Variants in HS6ST3 observed in about 807,000 individuals in gnomAD.
HS6ST3 encodes the protein heparan sulfate 6-O-sulfotransferase 3, also known as heparan-sulfate 6-O-sulfotransferase 3.
A neutral mutation model predicts 36.7 loss-of-function variants in HS6ST3; 12 were observed. That is an observed-to-expected ratio of 0.33 (90% CI 0.21 to 0.53). HS6ST3 has a LOEUF of 0.53. HS6ST3 is among the 20% of genes least tolerant of loss of function. The pLI is 0.95. For missense variants in HS6ST3, 584 were observed against 640.9 expected (o/e 0.91, Z 0.96); for synonymous variants, 240 against 257.5 (o/e 0.93, Z 0.65).
In HS6ST3 at chr13:96,691,970, GC is replaced by G. The variant is rs1874972519; in HGVS notation, c.708-140518del. On this transcript the variant is annotated intron_variant, in intron 1 of 1. Transcript: ENST00000376705. ...TGAGAGAAACAGCATTCAAATTTGA[GC>G]CTAAGCCTAAATACAGTATATGGTA... Among the ~76,000 whole-genome samples, 3 of 152,150 alleles carry G rather than the reference GC, an allele frequency of 2.0e-5. No individual in the cohort carries two copies. In the South Asian group the frequency reaches 6.2e-4, roughly 32 times the overall value.
intron 1 of HS6ST3, among the ~76,000 whole-genome samples, chr13:96,558,072 A>G (rs113334602): frequency 0.011 from 1,686 of 152,230 alleles, 31 homozygotes; most frequent in African/African-American, 0.033. Context: ...TTTTCTTTAA[A>G]TTCTTCTTTT....
intron 1 of HS6ST3, among the ~76,000 whole-genome samples, chr13:96,143,611 A>G (rs912896953): frequency 1.3e-5 from 2 of 151,968 alleles, no homozygotes; most frequent in Non-Finnish European, 2.9e-5. Flanking sequence ...GATCATTTCT[A>G]TTTTTAAAAT....
intron 1 of HS6ST3, among the ~76,000 whole-genome samples, chr13:96,239,395 A>T (rs977464153): frequency 6.6e-6 from 1 of 152,342 alleles, no homozygotes; most frequent in East Asian, 1.9e-4. Context: ...AATGAAATCA[A>T]TCATTTAGCA....
In HS6ST3 at chr13:96,833,230, G is replaced by C. The variant is rs1315449271; in HGVS notation, c.*32G>C. The C allele has an allele frequency of 1.4e-6, 2 of 1,451,430 alleles. No individual in the cohort carries two copies. Among genetic ancestry groups the C allele is most frequent in the East Asian group, 2.4e-5 (1 of 41,506 alleles). 89.9% of individuals were successfully genotyped at this position (1,451,430 alleles called of 1,614,324 possible). A position where few individuals can be genotyped will look rare whatever the true frequency, so the allele number is the denominator to read the frequency against. ...GCCCTCTCCTCTCTCAGGAGGGGGA[G>C]GGTGAGCAGGCACATTGACTTTCTG... On this transcript the variant is annotated 3_prime_UTR_variant, in exon 2 of 2. Transcript: ENST00000376705.
chr13:96,335,016 A>AG (rs1325756271), intron 1 of HS6ST3, among the ~76,000 whole-genome samples: 5 of 152,152 alleles, frequency 3.3e-5, no homozygotes, highest in African/African-American at 1.2e-4. Flanking sequence ...AGCTTAGAAA[A>AG]CATCTTCCAA....
chr13:96,103,820 G>C (rs1182888453), intron 1 of HS6ST3, among the ~76,000 whole-genome samples: 1 of 152,148 alleles, frequency 6.6e-6, no homozygotes, highest in East Asian at 1.9e-4. Context: ...ACTTGTTAGA[G>C]TAATGAGCAG....
intron 1 of HS6ST3, among the ~76,000 whole-genome samples, chr13:96,361,093 G>A (rs1263718290): frequency 6.6e-6 from 1 of 152,154 alleles, no homozygotes; most frequent in Non-Finnish European, 1.5e-5. Flanking sequence ...TACTAATTGG[G>A]CTATTAATAG....
chr13:96,466,770 AT>A (rs34264454), intron 1 of HS6ST3, among the ~76,000 whole-genome samples: 124,796 of 151,952 alleles, frequency 0.82, 53,119 homozygotes, highest in Non-Finnish European at 0.95. Flanking sequence ...AATATATGCA[AT>A]TCTATGTCAA....
chr13:96,789,061 T>G (rs1001760091), intron 1 of HS6ST3, among the ~76,000 whole-genome samples: 1 of 151,850 alleles, frequency 6.6e-6, no homozygotes, highest in African/African-American at 2.4e-5. Context: ...TGTTTTTTTC[T>G]TGCTTGTTCC....
intron 1 of HS6ST3, among the ~76,000 whole-genome samples, chr13:96,449,852 C>T (rs2055718506): frequency 6.6e-6 from 1 of 151,996 alleles, no homozygotes; most frequent in Non-Finnish European, 1.5e-5. Flanking sequence ...CTTTTTTGCC[C>T]TTCTCCATTA....
chr13:96,376,492 G>T (rs1216285614), intron 1 of HS6ST3, among the ~76,000 whole-genome samples: 2 of 152,140 alleles, frequency 1.3e-5, no homozygotes, highest in Non-Finnish European at 2.9e-5. Context: ...TCTCTAAGTG[G>T]ATTGTAGTGT....
At chr13:96,654,785 C>T (rs1013931744) in intron 1 of HS6ST3, among the ~76,000 whole-genome samples, 1 of 152,082 alleles carries the variant, frequency 6.6e-6, no homozygotes. Context: ...CTGATTGAAA[C>T]AAAAGATGTC....
intron 1 of HS6ST3, among the ~76,000 whole-genome samples, chr13:96,739,587 C>A (rs921316629): frequency 6.6e-6 from 1 of 152,130 alleles, no homozygotes; most frequent in African/African-American, 2.4e-5. Flanking sequence ...AGCCCACATC[C>A]AAGCCATGGT....
intron 1 of HS6ST3, among the ~76,000 whole-genome samples, chr13:96,192,719 A>G (rs1257075689): frequency 6.6e-6 from 1 of 152,086 alleles, no homozygotes. Context: ...CGATGAATAT[A>G]TGTGTACTAG....
In HS6ST3 at chr13:96,525,159, T is replaced by A. The variant is rs551713487; in HGVS notation, c.708-307331T>A. On this transcript the variant is annotated intron_variant, in intron 1 of 1. Transcript: ENST00000376705. The stretch of plus-strand genomic sequence containing the variant: ...TCTCGTATCAATTAAATTTAAAATG[T>A]TTGGATAAGAAATAGACTGACACCT... Among the ~76,000 whole-genome samples, 11 of 152,322 alleles carry A rather than the reference T, an allele frequency of 7.2e-5. No individual in the cohort carries two copies. The South Asian group carries it at 2.3e-3, about 32-fold the overall frequency.
intron 1 of HS6ST3, among the ~76,000 whole-genome samples, chr13:96,600,355 CA>C (rs1340643768): frequency 4.0e-5 from 6 of 151,568 alleles, no homozygotes; most frequent in East Asian, 1.9e-4. Context: ...CACACACACA[CA>C]CACATATATA....
intron 1 of HS6ST3, among the ~76,000 whole-genome samples, chr13:96,804,440 A>G (rs1878150845): frequency 6.6e-6 from 1 of 152,168 alleles, no homozygotes; most frequent in Admixed American, 6.5e-5. Context: ...GCAGAGCCAT[A>G]AATCCTTAAG....
intron 1 of HS6ST3, among the ~76,000 whole-genome samples, chr13:96,323,533 A>G (rs1396024575): frequency 1.3e-5 from 2 of 152,150 alleles, no homozygotes; most frequent in Admixed American, 1.3e-4. Context: ...CTCATAGTTC[A>G]TGGCACTCCT....
chr13:96,511,277 G>T (rs954545577), intron 1 of HS6ST3, among the ~76,000 whole-genome samples: 23 of 152,038 alleles, frequency 1.5e-4, no homozygotes, highest in African/African-American at 5.6e-4. Flanking sequence ...ATACCTAGAG[G>T]TTGCCGGGTC....
Sources: allele counts gnomAD v4.1 joint callset (sites outside exome capture counted in the v4.1 genomes callset), GRCh38; gene constraint gnomAD v4.1.1; transcripts MANE v1.5; gene names NCBI Gene and HGNC (gene_info 2026-07-23, HGNC 2026-07-21).